The following FRMD3 variants were observed in gnomAD, a reference collection of about 807,000 sequenced individuals.
FRMD3 encodes the protein FERM domain-containing protein 3.
Under a neutral mutation model 70.2 loss-of-function variants are expected in FRMD3, and 33 were observed. The observed-to-expected ratio is 0.47, with a 90% CI of 0.36 to 0.63. The LOEUF (loss-of-function observed/expected upper bound fraction) is 0.63. FRMD3 is among the 20% of genes least tolerant of loss of function. FRMD3 has a pLI of 0.00. For missense variants in FRMD3, 632 were observed against 711.4 expected, an observed-to-expected ratio of 0.89 and a Z score of 1.27; for synonymous variants, 279 against 255.9, an observed-to-expected ratio of 1.09 and a Z score of -0.86.
At chr9:83,385,258 G>A (rs1825479602) in intron 2 of FRMD3, among the ~76,000 whole-genome samples, 1 of 151,786 alleles carries the variant, frequency 6.6e-6, no homozygotes, top group Non-Finnish European at 1.5e-5. Context: ...TATTGTCCCA[G>A]TTTTCTCTAT....
chr9:83,537,847 C>A lies in FRMD3; in HGVS notation c.147+238G>T, dbSNP rs1829932647. ...CAGTGAGACGCGCGCGCAGGGTGCACGCGAGGGGAAGGAGACTGGGCGCGG... is the reference window on the plus strand; with the variant it reads ...CAGTGAGACGCGCGCGCAGGGTGCAAGCGAGGGGAAGGAGACTGGGCGCGG... On this transcript the variant is annotated intron_variant, in intron 1 of 13. Transcript: ENST00000304195. This position sits in a 1 kb window ranked among gnomAD's most constrained non-coding sequence, Gnocchi z 4.1. Among the ~76,000 whole-genome samples, 2 of 151,044 alleles carry A rather than the reference C, an allele frequency of 1.3e-5. No individual in the cohort carries two copies. Among genetic ancestry groups the A allele is most frequent in the African/African-American group, 4.9e-5 (2 of 41,026 alleles).
intron 1 of FRMD3, among the ~76,000 whole-genome samples, chr9:83,440,024 C>T (rs1035668182): frequency 6.6e-6 from 1 of 152,162 alleles, no homozygotes; most frequent in African/African-American, 2.4e-5. Flanking sequence ...GGTGGCACTA[C>T]CTCCCTGACA....
intron 1 of FRMD3, among the ~76,000 whole-genome samples, chr9:83,435,281 C>T (rs1827101001): frequency 6.6e-6 from 1 of 152,122 alleles, no homozygotes; most frequent in Non-Finnish European, 1.5e-5. Flanking sequence ...ATTCAAATAT[C>T]CAGGCCCACC....
At chr9:83,365,552 G>C (rs1824758967) in intron 3 of FRMD3, among the ~76,000 whole-genome samples, 4 of 151,452 alleles carry the variant, frequency 2.6e-5, no homozygotes, top group Admixed American at 2.6e-4. Context: ...GGCATGGCTA[G>C]GGAAGGCAAG....
chr9:83,438,518 G>A (rs1264197874), intron 1 of FRMD3, among the ~76,000 whole-genome samples: 2 of 152,116 alleles, frequency 1.3e-5, no homozygotes, highest in Non-Finnish European at 2.9e-5. Flanking sequence ...TCTTGCCTCA[G>A]CCTCCCGAGT....
At chr9:83,250,752 A>C (rs1182903845) in intron 13 of FRMD3, among the ~76,000 whole-genome samples, 1 of 152,180 alleles carries the variant, frequency 6.6e-6, no homozygotes, top group African/African-American at 2.4e-5. Flanking sequence ...TTGTGGCTGG[A>C]CAGCTTTCTT....
At chr9:83,412,852 G>A (rs28585465) in intron 1 of FRMD3, among the ~76,000 whole-genome samples, 4,681 of 152,082 alleles carry the variant, frequency 0.031, 259 homozygotes, top group African/African-American at 0.11. Flanking sequence ...AAAATTAGCC[G>A]GGCATGGTGG....
chr9:83,471,845 G>A (rs928227130), intron 1 of FRMD3, among the ~76,000 whole-genome samples: 7 of 152,172 alleles, frequency 4.6e-5, no homozygotes, highest in Admixed American at 2.0e-4. Flanking sequence ...TAGCAATGGC[G>A]TCCCACACTG....
chr9:83,352,994 C>A (rs1201843140), intron 3 of FRMD3, among the ~76,000 whole-genome samples: 4 of 152,166 alleles, frequency 2.6e-5, no homozygotes, highest in Non-Finnish European at 5.9e-5. Context: ...CACTATTGAA[C>A]CCCTTGGCAG....
At chr9:83,445,794 A>G (rs1331196549) in intron 1 of FRMD3, among the ~76,000 whole-genome samples, 2 of 152,206 alleles carry the variant, frequency 1.3e-5, no homozygotes, top group Non-Finnish European at 2.9e-5. Flanking sequence ...GTAAGTGAAA[A>G]GGCTACTTGA....
At position 83,384,724 on chromosome 9, in the gene FRMD3, T is replaced by C. The variant is rs568680673; in HGVS notation, c.252+4880A>G. Among the ~76,000 whole-genome samples the C allele has an allele frequency of 2.6e-5, 4 of 152,276 alleles. No homozygotes were observed. In the East Asian group the frequency reaches 5.8e-4, roughly 22 times the overall value. On this transcript the variant is annotated intron_variant, in intron 2 of 13. Coordinates refer to ENST00000304195, the MANE Select transcript of FRMD3 (RefSeq NM_174938.6). ...GACATTAAGACACAATGGCCTATCA[T>C]TGGGCACTTGAGGAGTGTACCCCAA...
chr9:83,368,024 C>T (rs1009164830), intron 3 of FRMD3, among the ~76,000 whole-genome samples: 1 of 152,140 alleles, frequency 6.6e-6, no homozygotes. Flanking sequence ...ATAAACACAG[C>T]AACTTGGGTG....
At position 83,290,590 on chromosome 9, in the gene FRMD3, G is replaced by A; in HGVS notation, c.1195+13C>T. 6.2e-7 allele frequency: 1 copy of A among 1,613,954 alleles called. No homozygotes were observed. Among genetic ancestry groups the A allele is most frequent in the Non-Finnish European group, 8.5e-7 (1 of 1,179,934 alleles). ...CTGCAGCACCAGCATTTGGGATGAA[G>A]AGACAGACTTACCCTCACCCAGAGG... On this transcript the variant is annotated intron_variant, in intron 13 of 13. Transcript: ENST00000304195.
At chr9:83,551,284 T>C in the FRMD3 span, among the ~76,000 whole-genome samples, 1 of 152,244 alleles carries the variant, frequency 6.6e-6, no homozygotes, top group East Asian at 1.9e-4. Context: ...CATTTATTGA[T>C]TGTTGTATGT....
chr9:83,553,990 T>C, the FRMD3 span, among the ~76,000 whole-genome samples: 4,676 of 152,304 alleles, frequency 0.031, 265 homozygotes, highest in African/African-American at 0.1. Context: ...CATGTGGGTG[T>C]TCCTTTAACT....
intron 1 of FRMD3, among the ~76,000 whole-genome samples, chr9:83,534,379 G>A (rs962703239): frequency 1.3e-5 from 2 of 152,192 alleles, no homozygotes; most frequent in Non-Finnish European, 2.9e-5. Context: ...GAAAGTTTTC[G>A]TTGGCCAAAT....
intron 3 of FRMD3, among the ~76,000 whole-genome samples, chr9:83,364,531 G>A (rs937877826): frequency 1.3e-5 from 2 of 151,596 alleles, no homozygotes; most frequent in African/African-American, 4.9e-5. Flanking sequence ...ACGCCAGCCT[G>A]GTGACAGAGC....
intron 6 of FRMD3, among the ~76,000 whole-genome samples, chr9:83,323,172 CATAGTT>C (rs1835867428): frequency 6.6e-6 from 1 of 152,170 alleles, no homozygotes; most frequent in Non-Finnish European, 1.5e-5. Flanking sequence ...CAATTCCACT[CATAGTT>C]ATATACACAA....
At chr9:83,468,731 T>C (rs886569849) in intron 1 of FRMD3, among the ~76,000 whole-genome samples, 1 of 152,324 alleles carries the variant, frequency 6.6e-6, no homozygotes, top group East Asian at 1.9e-4. Flanking sequence ...GGAAACTTTA[T>C]GGCAATTAAC....
Sources: allele counts gnomAD v4.1 joint callset (sites outside exome capture counted in the v4.1 genomes callset), GRCh38; gene constraint gnomAD v4.1.1; non-coding constraint Gnocchi (gnomAD v3.1); transcripts MANE v1.5; gene names NCBI Gene and HGNC (gene_info 2026-07-23, HGNC 2026-07-21).